TMEM132D: variants seen among roughly 807,000 people sequenced by gnomAD.
TMEM132D encodes transmembrane protein 132D, also known as mature OL transmembrane protein.
In TMEM132D, 21 loss-of-function variants were observed where a neutral mutation model predicts 62.3. The observed-to-expected ratio is 0.34, with a 90% CI of 0.24 to 0.49. TMEM132D has a LOEUF of 0.49. Ranked by LOEUF, TMEM132D falls within the 20% of genes least tolerant of loss-of-function variation. The pLI is 0.99. For missense variants in TMEM132D, 1,346 were observed against 1,402.8 expected, an observed-to-expected ratio of 0.96 and a Z score of 0.65; for synonymous variants, 621 against 575.6, an observed-to-expected ratio of 1.08 and a Z score of -1.13.
intron 1 of TMEM132D, among the ~76,000 whole-genome samples, chr12:129,754,152 G>A (rs1326720754): frequency 6.6e-6 from 1 of 152,186 alleles, no homozygotes; most frequent in Non-Finnish European, 1.5e-5. Flanking sequence ...GTAGGTGCTG[G>A]CAACAGCTTC....
intron 2 of TMEM132D, among the ~76,000 whole-genome samples, chr12:129,646,882 C>A (rs1879796028): frequency 6.6e-6 from 1 of 151,200 alleles, no homozygotes; most frequent in South Asian, 2.1e-4. Flanking sequence ...TCACTGCAAC[C>A]TCCGCTTCTC....
chr12:129,348,532 A>C (rs1869761618), intron 3 of TMEM132D, among the ~76,000 whole-genome samples: 1 of 152,142 alleles, frequency 6.6e-6, no homozygotes, highest in South Asian at 2.1e-4. Context: ...AGGGAGGGGA[A>C]CATCACCCAC....
At chr12:129,734,311 G>A (rs2137254465) in intron 1 of TMEM132D, among the ~76,000 whole-genome samples, 1 of 152,264 alleles carries the variant, frequency 6.6e-6, no homozygotes, top group Middle Eastern at 3.4e-3. Flanking sequence ...ATTGTTTTTG[G>A]TGTTCCAGCT....
At position 129,899,330 on chromosome 12, in the gene TMEM132D, TG is replaced by T. The variant is rs376548414; in HGVS notation, c.79+3930del. ...ATGGATGGATGGATGGATGGATGGA[TG>T]GATGGATGGATGATGGATGGAGGGA... On this transcript the variant is annotated intron_variant, in intron 1 of 8. Transcript: ENST00000422113. Among the ~76,000 whole-genome samples the T allele has an allele frequency of 8.8e-4, 96 of 108,678 alleles. 7 individuals are homozygous for T. The highest frequency in any genetic ancestry group is 3.0e-3 in the African/African-American group (78 of 26,232). The allele number at this position is 108,678 out of a possible 152,430, so 71.3% of individuals were successfully genotyped here. A position where few individuals can be genotyped will look rare whatever the true frequency, so the allele number is the denominator to read the frequency against.
At chr12:129,505,951 G>A (rs1223215451) in intron 3 of TMEM132D, among the ~76,000 whole-genome samples, 1 of 152,178 alleles carries the variant, frequency 6.6e-6, no homozygotes, top group Non-Finnish European at 1.5e-5. Flanking sequence ...GCAGCAGATA[G>A]TTGGTTGGTG....
intron 1 of TMEM132D, among the ~76,000 whole-genome samples, chr12:129,802,250 G>T (rs1377792905): frequency 2.2e-5 from 3 of 138,260 alleles, no homozygotes; most frequent in African/African-American, 8.1e-5. Flanking sequence ...ATTCACCAAA[G>T]TTGAAATGAA....
chr12:129,431,826 C>T lies in TMEM132D; in HGVS notation c.1116-94009G>A, dbSNP rs566820277. On this transcript the variant is annotated intron_variant, in intron 3 of 8. Transcript: ENST00000422113. ...TCTTTGGTCCACCTCCCCTCATGCCCTGTTGCTCTTCTGCACCCTCCCACT... is the reference window on the plus strand; with the variant it reads ...TCTTTGGTCCACCTCCCCTCATGCCTTGTTGCTCTTCTGCACCCTCCCACT... Among the ~76,000 whole-genome samples, 5 of 152,324 alleles carry T rather than the reference C, an allele frequency of 3.3e-5. No homozygotes were observed. In the South Asian group the frequency reaches 1.0e-3, roughly 32 times the overall value.
chr12:129,793,170 C>T (rs1871450759), intron 1 of TMEM132D, among the ~76,000 whole-genome samples: 1 of 151,840 alleles, frequency 6.6e-6, no homozygotes, highest in Admixed American at 6.6e-5. Flanking sequence ...ACCTCAGCCT[C>T]CCAGACTGCC....
chr12:129,671,728 G>A (rs1055259713), intron 2 of TMEM132D, among the ~76,000 whole-genome samples: 9 of 152,146 alleles, frequency 5.9e-5, no homozygotes, highest in Non-Finnish European at 1.2e-4. Context: ...AGGAAGGCCA[G>A]CCTATGGCCC....
At chr12:129,636,724 G>GTC (rs1879488939) in intron 2 of TMEM132D, among the ~76,000 whole-genome samples, 1 of 128,904 alleles carries the variant, frequency 7.8e-6, no homozygotes, top group African/African-American at 2.9e-5. Flanking sequence ...GTGTGTGTGT[G>GTC]TGTGTGTGTG....
chr12:129,539,157 G>A (rs1876510177), intron 2 of TMEM132D, among the ~76,000 whole-genome samples: 1 of 152,158 alleles, frequency 6.6e-6, no homozygotes, highest in South Asian at 2.1e-4. Context: ...CAGGAAGGAT[G>A]GGGCTGGCAG....
At chr12:129,207,269 G>A (rs532876959) in intron 5 of TMEM132D, among the ~76,000 whole-genome samples, 2 of 151,536 alleles carry the variant, frequency 1.3e-5, no homozygotes, top group East Asian at 3.9e-4. Flanking sequence ...CCGCCCTCAT[G>A]GAGTTTAGAT....
intron 5 of TMEM132D, among the ~76,000 whole-genome samples, chr12:129,117,954 A>G (rs751528855): frequency 2.6e-5 from 4 of 152,204 alleles, no homozygotes; most frequent in Non-Finnish European, 4.4e-5. Context: ...ATGTGTGGTG[A>G]CACGTCAGCC....
At chr12:129,410,825 G>T (rs1383914231) in intron 3 of TMEM132D, among the ~76,000 whole-genome samples, 1 of 152,072 alleles carries the variant, frequency 6.6e-6, no homozygotes, top group Non-Finnish European at 1.5e-5. Flanking sequence ...TGTCTCATGG[G>T]GTTTGTGGTA....
At chr12:129,564,967 A>G (rs1877329908) in intron 2 of TMEM132D, among the ~76,000 whole-genome samples, 1 of 152,204 alleles carries the variant, frequency 6.6e-6, no homozygotes, top group South Asian at 2.1e-4. Context: ...AGAAATACCT[A>G]TGCAGGAAGA....
At chr12:129,876,493 C>T (rs1439278186) in intron 1 of TMEM132D, among the ~76,000 whole-genome samples, 1 of 152,204 alleles carries the variant, frequency 6.6e-6, no homozygotes, top group Non-Finnish European at 1.5e-5. Context: ...TTCATGAACA[C>T]ATTTGTCAGG....
chr12:129,218,805 A>T (rs1455417256), intron 4 of TMEM132D, among the ~76,000 whole-genome samples: 1 of 152,194 alleles, frequency 6.6e-6, no homozygotes, highest in East Asian at 1.9e-4. Flanking sequence ...AAACAGGCCT[A>T]AGACAAGTTA....
intron 3 of TMEM132D, among the ~76,000 whole-genome samples, chr12:129,490,590 C>G (rs79799986): frequency 0.12 from 15,513 of 129,420 alleles, 1,039 homozygotes; most frequent in East Asian, 0.21. Context: ...CCACCACGCC[C>G]GGCTAATTTT....
chr12:129,347,926 C>T (rs1443112778), intron 3 of TMEM132D, among the ~76,000 whole-genome samples: 1 of 152,124 alleles, frequency 6.6e-6, no homozygotes, highest in African/African-American at 2.4e-5. Flanking sequence ...CAAAAGAAGA[C>T]ATTTATGCAG....
Sources: gnomAD v4.1 joint callset for allele counts (sites outside exome capture counted in the v4.1 genomes callset) on GRCh38, gnomAD v4.1.1 for gene constraint, MANE v1.5 for transcripts, NCBI Gene and HGNC (gene_info 2026-07-23, HGNC 2026-07-21) for gene names.